CNOT10: variants seen among roughly 807,000 people sequenced by gnomAD.
CNOT10 encodes CCR4-NOT transcription complex, subunit 10.
CNOT10 carries 30 observed loss-of-function variants against 94.6 expected under a neutral mutation model. That is an observed-to-expected ratio of 0.32 (90% confidence interval 0.24 to 0.43). CNOT10 has a LOEUF of 0.43. Among genes scored for constraint, CNOT10 ranks in the 20% least tolerant of loss-of-function variants. The probability of loss-of-function intolerance (pLI) is 1.00; values close to 1 mark genes in which losing one functional copy is unlikely to be tolerated. For synonymous variants in CNOT10, 289 were observed against 301.6 expected, an observed-to-expected ratio of 0.96 and a Z score of 0.43; for missense variants, 759 against 877.2, an observed-to-expected ratio of 0.87 and a Z score of 1.70.
At chr3:32,751,918 A>G (rs931910354) in intron 13 of CNOT10, among the ~76,000 whole-genome samples, 4 of 152,176 alleles carry the variant, frequency 2.6e-5, no homozygotes, top group Admixed American at 2.6e-4. Flanking sequence ...ATTTGTGTTC[A>G]CGTTGGCATG....
At chr3:32,749,251 GA>G (rs1422724698) in intron 13 of CNOT10, among the ~76,000 whole-genome samples, 2 of 152,214 alleles carry the variant, frequency 1.3e-5, no homozygotes, top group African/African-American at 4.8e-5. Flanking sequence ...TCATTTTGAT[GA>G]AAGTTAATTC....
intron 13 of CNOT10, among the ~76,000 whole-genome samples, chr3:32,743,516 C>A (rs1379959181): frequency 6.6e-6 from 1 of 152,022 alleles, no homozygotes; most frequent in Non-Finnish European, 1.5e-5. Flanking sequence ...CACCTGCAGT[C>A]CCAGCTACAC....
chr3:32,730,269 G>T (rs1698882693), intron 10 of CNOT10, among the ~76,000 whole-genome samples: 1 of 151,948 alleles, frequency 6.6e-6, no homozygotes, highest in Non-Finnish European at 1.5e-5. Context: ...GTACTTTTAG[G>T]ATTGTGTTCT....
intron 1 of CNOT10, among the ~76,000 whole-genome samples, chr3:32,687,992 G>A (rs914882713): frequency 7.2e-5 from 11 of 152,150 alleles, no homozygotes; most frequent in Non-Finnish European, 1.6e-4. Flanking sequence ...GGAGGGTCTT[G>A]TGTGTGTGTT....
At chr3:32,694,820 A>G (rs1296827944) in intron 1 of CNOT10, among the ~76,000 whole-genome samples, 1 of 151,896 alleles carries the variant, frequency 6.6e-6, no homozygotes, top group African/African-American at 2.4e-5. Flanking sequence ...CAAACTCCCC[A>G]CCTCGTGATC....
rs1175773993 is a variant in CNOT10, at chr3:32,685,325, C to A, written c.-136C>A. 19 of 970,534 alleles carry A rather than the reference C, an allele frequency of 2.0e-5. No homozygotes were observed. Among genetic ancestry groups the A allele is most frequent in the Non-Finnish European group, 3.0e-5 (19 of 634,118 alleles). 60.1% of individuals were successfully genotyped at this position (970,534 alleles called of 1,614,324 possible). On this transcript the variant is annotated 5_prime_UTR_variant, in exon 1 of 19. Coordinates refer to ENST00000328834, the MANE Select transcript of CNOT10 (RefSeq NM_015442.3). ...TTCCTCAGCCCGCCGTCTGCCCACT[C>A]CTCTAGCCGGAACCTGGGGGCCCGG...
At chr3:32,729,210 C>G (rs992435586) in intron 10 of CNOT10, among the ~76,000 whole-genome samples, 2 of 152,174 alleles carry the variant, frequency 1.3e-5, no homozygotes, top group African/African-American at 4.8e-5. Context: ...GATTACCAGG[C>G]TGTTTCTCTC....
In CNOT10 at chr3:32,734,890, G is replaced by A. The variant is rs773712088; in HGVS notation, c.1428G>A (p.Gln476=). The change falls in exon 12 of 19, where the codon CAG becomes CAA. Residue 476 remains glutamine (Q), a synonymous_variant. Transcript: ENST00000328834. ...RNALLLLPEE[Q]QDPKQENGAK... ...CCTTGTTGCTGCTACCTGAAGAACA[G>A]CAAGATCCAAAGCAGGAAAATGGGG... The A allele has an allele frequency of 1.2e-6, 2 of 1,614,052 alleles. No individual in the cohort carries two copies. The highest frequency in any genetic ancestry group is 4.5e-5 in the East Asian group (2 of 44,872).
chr3:32,695,095 A>G (rs1696991141), intron 1 of CNOT10, among the ~76,000 whole-genome samples: 1 of 152,172 alleles, frequency 6.6e-6, no homozygotes, highest in African/African-American at 2.4e-5. Flanking sequence ...CAATTCTGTA[A>G]CATTGCTTGT....
chr3:32,704,940 T>C lies in CNOT10; in HGVS notation c.247T>C (p.Leu83=). 6.5e-7 allele frequency: 1 copy of C among 1,548,820 alleles called. No individual in the cohort carries two copies. Residue 83 remains leucine (L), a synonymous_variant, in exon 3 of 19, where the codon TTG becomes CTG. Coordinates refer to ENST00000328834, the MANE Select transcript of CNOT10 (RefSeq NM_015442.3). ...AAGTAACCAAACAACAACAGATAATTTGAGACAAACACTTAACCAGCTGAA... is the reference window on the plus strand; with the variant it reads ...AAGTAACCAAACAACAACAGATAATCTGAGACAAACACTTAACCAGCTGAA... The part of the protein sequence containing the change: ...FKSNQTTTDN[L]RQTLNQLKNQ...
chr3:32,703,216 G>GCA, intron 1 of CNOT10, among the ~76,000 whole-genome samples: 2 of 151,674 alleles, frequency 1.3e-5, no homozygotes, highest in Non-Finnish European at 2.9e-5. Flanking sequence ...GAGCCACCGT[G>GCA]CCTGGCAACA....
chr3:32,759,451 G>T lies in CNOT10; in HGVS notation c.1596-7G>T. 1 of 1,604,784 alleles carries T rather than the reference G, an allele frequency of 6.2e-7. No homozygotes were observed. The highest frequency in any genetic ancestry group is 8.5e-7 in the Non-Finnish European group (1 of 1,172,634). On this transcript the variant is annotated splice_polypyrimidine_tract_variant and splice_region_variant and intron_variant, in intron 13 of 18. Transcript: ENST00000328834. ...AGATTTTCGGCCCCTTCCCTTTTGTGTTATAGGTGCTCCATACTTGCTTGC... is the reference window on the plus strand; with the variant it reads ...AGATTTTCGGCCCCTTCCCTTTTGTTTTATAGGTGCTCCATACTTGCTTGC...
At chr3:32,737,020 G>A (rs565103289) in intron 12 of CNOT10, among the ~76,000 whole-genome samples, 97 of 152,246 alleles carry the variant, frequency 6.4e-4, no homozygotes, top group Non-Finnish European at 1.1e-3. Flanking sequence ...GTTGTAAAAA[G>A]TTACATGGGA....
intron 13 of CNOT10, chr3:32,752,981 C>T (rs920454969): frequency 5.8e-5 from 27 of 464,136 alleles, no homozygotes; most frequent in African/African-American, 2.2e-4. Flanking sequence ...CTCTAATCGA[C>T]GAGGACCCCC....
At chr3:32,720,273 T>C (rs748408678) in intron 8 of CNOT10, 42 bp downstream of exon 8, 2 of 948,972 alleles carry the variant, frequency 2.1e-6, no homozygotes, top group Non-Finnish European at 3.3e-6. Flanking sequence ...TTTGCCTTGC[T>C]CTTCTACCCC....
intron 14 of CNOT10, 80 bp downstream of exon 14, chr3:32,759,651 T>G: frequency 1.1e-6 from 1 of 938,744 alleles, no homozygotes; most frequent in Non-Finnish European, 1.7e-6. Flanking sequence ...TGTTGCTTCT[T>G]TTGACTCCTC....
At chr3:32,752,491 A>G (rs1331879942) in intron 13 of CNOT10, among the ~76,000 whole-genome samples, 9 of 152,188 alleles carry the variant, frequency 5.9e-5, no homozygotes, top group Non-Finnish European at 1.3e-4. Context: ...TGCCCAGGAT[A>G]AGACTGGGTT....
At chr3:32,700,760 T>C (rs1285009683) in intron 1 of CNOT10, among the ~76,000 whole-genome samples, 1 of 152,214 alleles carries the variant, frequency 6.6e-6, no homozygotes, top group African/African-American at 2.4e-5. Flanking sequence ...TTTAAAGTCA[T>C]ACACAGTGAC....
chr3:32,685,302 C>T lies in CNOT10; in HGVS notation c.-159C>T, dbSNP rs1267009201. The T allele has an allele frequency of 7.0e-6, 5 of 716,212 alleles. No individual in the cohort carries two copies. Among genetic ancestry groups the T allele is most frequent in the Admixed American group, 2.6e-5 (1 of 37,894 alleles). The allele number at this position is 716,212 out of a possible 1,614,324, so 44.4% of individuals were successfully genotyped here. ...CGACGGGAACTAGCTCTCGTCACTT[C>T]CTCAGCCCGCCGTCTGCCCACTCCT... On this transcript the variant is annotated 5_prime_UTR_variant, in exon 1 of 19. Transcript: ENST00000328834.
Sources: allele counts gnomAD v4.1 joint callset (sites outside exome capture counted in the v4.1 genomes callset), GRCh38; gene constraint gnomAD v4.1.1; transcripts MANE v1.5; gene names NCBI Gene and HGNC (gene_info 2026-07-23, HGNC 2026-07-21).